The following KANK1 variants were observed in gnomAD, a reference collection of about 807,000 sequenced individuals.
The protein encoded by KANK1 is KN motif and ankyrin repeat domains 1.
A neutral mutation model predicts 106.2 loss-of-function variants in KANK1; 109 were observed. The ratio of observed to expected loss-of-function variants is 1.03; its 90% CI spans 0.88 to 1.20. The LOEUF is 1.20. KANK1 is among the 50% of genes most tolerant of loss of function. KANK1 has a pLI of 0.00. For synonymous variants in KANK1, 873 were observed against 652.2 expected, an observed-to-expected ratio of 1.34 and a Z score of -5.16; for missense variants, 2,399 against 1,710.7, an observed-to-expected ratio of 1.40 and a Z score of -7.10.
At chr9:487,177 A>G (rs1490733740) in intron 3 of KANK1, among the ~76,000 whole-genome samples, 1 of 152,192 alleles carries the variant, frequency 6.6e-6, no homozygotes, top group East Asian at 1.9e-4. Context: ...GCAAATACAG[A>G]CAGTTCCCAA....
intron 2 of KANK1, among the ~76,000 whole-genome samples, chr9:472,770 C>T (rs944382615): frequency 1.3e-5 from 2 of 152,164 alleles, no homozygotes; most frequent in South Asian, 2.1e-4. Flanking sequence ...GCGGTGACAA[C>T]AGAGCCCTAT....
intron 1 of KANK1, among the ~76,000 whole-genome samples, chr9:673,065 C>T (rs1251122326): frequency 6.6e-6 from 1 of 152,106 alleles, no homozygotes; most frequent in Non-Finnish European, 1.5e-5. Context: ...ATCTGCATAG[C>T]ATTAAGAAGA....
chr9:732,308 C>T (rs1832523190), intron 5 of KANK1, 70 bp from the exon 6 acceptor site: 1 of 1,528,952 alleles, frequency 6.5e-7, no homozygotes, highest in African/African-American at 1.4e-5. Context: ...CAAATCCCTT[C>T]ATAGAAATTT....
chr9:491,187 T>C (rs938568622), intron 3 of KANK1, among the ~76,000 whole-genome samples: 2 of 152,102 alleles, frequency 1.3e-5, no homozygotes, highest in Non-Finnish European at 2.9e-5. Flanking sequence ...TCTTGAGCTC[T>C]TGGGCTCAAG....
chr9:503,966 G>A (rs368383695), upstream of KANK1, among the ~76,000 whole-genome samples: 24 of 152,182 alleles, frequency 1.6e-4, no homozygotes, highest in East Asian at 7.7e-4. Flanking sequence ...CGAGGACTCT[G>A]TCCTGCAGCC....
intron 3 of KANK1, among the ~76,000 whole-genome samples, chr9:492,797 G>A (rs901830048): frequency 2.6e-5 from 4 of 152,140 alleles, no homozygotes; most frequent in Middle Eastern, 6.8e-3. Context: ...GGCCGAGGCG[G>A]GTGGATCACC....
intron 1 of KANK1, among the ~76,000 whole-genome samples, chr9:666,538 C>G (rs190798638): frequency 2.6e-5 from 4 of 151,964 alleles, no homozygotes; most frequent in Admixed American, 6.6e-5. Context: ...AGTGGAAAGC[C>G]TTTTAGGTTT....
intron 3 of KANK1, among the ~76,000 whole-genome samples, chr9:481,943 G>A (rs920796929): frequency 6.6e-6 from 1 of 152,130 alleles, no homozygotes; most frequent in African/African-American, 2.4e-5. Context: ...GCCCAGGGGC[G>A]AGGAGGAGGG....
chr9:670,444 A>G (rs138892059), intron 1 of KANK1, among the ~76,000 whole-genome samples: 33 of 152,258 alleles, frequency 2.2e-4, no homozygotes, highest in African/African-American at 7.0e-4. Context: ...TTTCAGCACT[A>G]AATGGTACTT....
At chr9:738,253 G>A (rs1355385218) in intron 7 of KANK1, 32 bp from the exon 8 acceptor site, 2 of 1,568,700 alleles carry the variant, frequency 1.3e-6, no homozygotes, top group Non-Finnish European at 1.7e-6. Flanking sequence ...TCTATAAATA[G>A]AAGAACTAAC....
chr9:540,218 T>C (rs2060523075), intron 1 of KANK1, among the ~76,000 whole-genome samples: 1 of 152,234 alleles, frequency 6.6e-6, no homozygotes, highest in Non-Finnish European at 1.5e-5. Flanking sequence ...TTATACCTAA[T>C]CTGTTGAGAG....
chr9:515,151 G>T (rs573021538), intron 1 of KANK1, among the ~76,000 whole-genome samples: 3 of 151,596 alleles, frequency 2.0e-5, no homozygotes, highest in African/African-American at 7.3e-5. Context: ...AGACCATCCT[G>T]GCTAACACAG....
chr9:636,393 A>G lies in KANK1; in HGVS notation c.-83-40497A>G, dbSNP rs562966605. ...TGGTTTCTTTTGTGTTTGATGGCTA[A>G]ATATCCACCTTCCCTTTTATCTTTT... On this transcript the variant is annotated intron_variant, in intron 1 of 11. Transcript: ENST00000382297. Among the ~76,000 whole-genome samples the G allele has an allele frequency of 2.0e-5, 3 of 152,296 alleles. No individual in the cohort carries two copies. The East Asian group carries it at 5.8e-4, about 29-fold the overall frequency.
At chr9:680,565 A>C (rs1817339233) in intron 2 of KANK1, among the ~76,000 whole-genome samples, 1 of 152,208 alleles carries the variant, frequency 6.6e-6, no homozygotes, top group Non-Finnish European at 1.5e-5. Context: ...TATAGGCCAG[A>C]TATACATGAG....
intron 2 of KANK1, among the ~76,000 whole-genome samples, chr9:708,459 C>T (rs1417456914): frequency 6.6e-6 from 1 of 152,362 alleles, no homozygotes; most frequent in Non-Finnish European, 1.5e-5. Context: ...CTGGGCACTT[C>T]TTTCACATAG....
chr9:643,883 G>A (rs1272155102), intron 1 of KANK1, among the ~76,000 whole-genome samples: 5 of 149,928 alleles, frequency 3.3e-5, no homozygotes, highest in Non-Finnish European at 5.9e-5. Flanking sequence ...TTGTATTTTT[G>A]GTAGAGACGG....
At chr9:624,949 C>A (rs1054794358) in intron 1 of KANK1, among the ~76,000 whole-genome samples, 1 of 152,202 alleles carries the variant, frequency 6.6e-6, no homozygotes, top group Non-Finnish European at 1.5e-5. Context: ...CTTGGACTTA[C>A]TTTATGCCCT....
chr9:693,479 T>G, intron 2 of KANK1: 1 of 985,342 alleles, frequency 1.0e-6, no homozygotes, highest in Non-Finnish European at 1.2e-6. Context: ...CTGAAGAGTA[T>G]GAGGATAGTT....
At chr9:569,880 C>T (rs1818736381) in intron 1 of KANK1, among the ~76,000 whole-genome samples, 1 of 151,090 alleles carries the variant, frequency 6.6e-6, no homozygotes, top group Non-Finnish European at 1.5e-5. Context: ...TTATTTAGGG[C>T]TTACATTTTT....
Sources: gnomAD v4.1 joint callset for allele counts (sites outside exome capture counted in the v4.1 genomes callset) on GRCh38, gnomAD v4.1.1 for gene constraint, MANE v1.5 for transcripts, NCBI Gene and HGNC (gene_info 2026-07-23, HGNC 2026-07-21) for gene names.